Variants in CPNE4 observed in about 807,000 individuals in gnomAD.
CPNE4 encodes copine 4.
CPNE4 carries 25 observed loss-of-function variants against 67.9 expected under a neutral mutation model. That is an observed-to-expected ratio of 0.37 (90% confidence interval 0.27 to 0.51). CPNE4 has a LOEUF of 0.51. CPNE4 is among the 20% of genes least tolerant of loss of function. The probability of loss-of-function intolerance (pLI) is 0.93; values close to 1 mark genes in which losing one functional copy is unlikely to be tolerated. For missense variants in CPNE4, 464 were observed against 690.8 expected (o/e 0.67, Z 3.68); for synonymous variants, 242 against 244.9 (o/e 0.99, Z 0.11).
At chr3:131,958,966 C>CTCTCT in intron 1 of CPNE4, among the ~76,000 whole-genome samples, 1 of 27,538 alleles carries the variant, frequency 3.6e-5, no homozygotes, top group African/African-American at 2.0e-4. Context: ...CCTGATACAC[C>CTCTCT]TTTCTTTTTT....
At chr3:131,917,464 T>C (rs2070592348) in intron 1 of CPNE4, among the ~76,000 whole-genome samples, 2 of 152,158 alleles carry the variant, frequency 1.3e-5, no homozygotes, top group Non-Finnish European at 1.5e-5. Flanking sequence ...ATTTGAGTGA[T>C]GCTTTGGGGA....
At chr3:131,717,439 C>A (rs1247076791) in intron 3 of CPNE4, among the ~76,000 whole-genome samples, 1 of 152,144 alleles carries the variant, frequency 6.6e-6, no homozygotes, top group Non-Finnish European at 1.5e-5. Context: ...GCAGCTATCA[C>A]CTATAGGGAT....
intron 1 of CPNE4, among the ~76,000 whole-genome samples, chr3:131,922,148 C>T (rs1342755590): frequency 6.6e-6 from 1 of 152,130 alleles, no homozygotes; most frequent in East Asian, 1.9e-4. Flanking sequence ...GTTTACCTTC[C>T]ATTTACAAGT....
At chr3:131,754,263 A>C (rs1008362139) in intron 2 of CPNE4, among the ~76,000 whole-genome samples, 1 of 152,166 alleles carries the variant, frequency 6.6e-6, no homozygotes, top group Non-Finnish European at 1.5e-5. Flanking sequence ...ATAAGATTAC[A>C]TGGGCAAAGA....
intron 1 of CPNE4, among the ~76,000 whole-genome samples, chr3:131,975,762 C>A (rs962335900): frequency 3.3e-5 from 5 of 152,008 alleles, no homozygotes; most frequent in African/African-American, 1.2e-4. Context: ...TTTGTGTATT[C>A]GAATCATAAA....
At chr3:131,564,567 A>G (rs1332008542) in intron 10 of CPNE4, among the ~76,000 whole-genome samples, 1 of 151,758 alleles carries the variant, frequency 6.6e-6, no homozygotes, top group Admixed American at 6.6e-5. Context: ...CCACCAGTGC[A>G]CTCTCTTCTC....
chr3:131,812,410 G>A (rs144358944), intron 2 of CPNE4, among the ~76,000 whole-genome samples: 2 of 152,226 alleles, frequency 1.3e-5, no homozygotes, highest in East Asian at 3.9e-4. Flanking sequence ...GCCAAGAAAG[G>A]TGAATATCCA....
chr3:131,985,010 C>G (rs2073007159), intron 1 of CPNE4, among the ~76,000 whole-genome samples: 1 of 152,160 alleles, frequency 6.6e-6, no homozygotes, highest in Non-Finnish European at 1.5e-5. Flanking sequence ...CCATAGACTG[C>G]ATGACTTATA....
chr3:131,743,981 A>AAAAAAAAAAAAC (rs1560222926), intron 2 of CPNE4, among the ~76,000 whole-genome samples: 1 of 148,962 alleles, frequency 6.7e-6, no homozygotes, highest in Admixed American at 6.7e-5. Flanking sequence ...AAAAAAAAAA[A>AAAAAAAAAAAAC]AAACAATAAA....
At chr3:131,631,353 T>G (rs567354289) in intron 7 of CPNE4, among the ~76,000 whole-genome samples, 64 of 152,314 alleles carry the variant, frequency 4.2e-4, no homozygotes, top group African/African-American at 1.4e-3. Context: ...TTGGTTTTGA[T>G]TGAAAGTTTT....
At chr3:131,968,426 A>G (rs1467129242) in intron 1 of CPNE4, among the ~76,000 whole-genome samples, 1 of 152,232 alleles carries the variant, frequency 6.6e-6, no homozygotes, top group African/African-American at 2.4e-5. Flanking sequence ...CATGCAACCT[A>G]CAGAATGGGA....
At chr3:131,845,209 ACCAC>A (rs1465064723) in intron 2 of CPNE4, among the ~76,000 whole-genome samples, 1 of 152,214 alleles carries the variant, frequency 6.6e-6, no homozygotes, top group Non-Finnish European at 1.5e-5. Flanking sequence ...CATCATCATA[ACCAC>A]CCACCATCAT....
intron 2 of CPNE4, among the ~76,000 whole-genome samples, chr3:131,839,484 G>C (rs559558392): frequency 3.3e-5 from 5 of 151,180 alleles, no homozygotes; most frequent in Non-Finnish European, 5.9e-5. Context: ...TTAGTTAATA[G>C]TGTTGATAAA....
At chr3:131,805,313 T>G (rs577926126) in intron 2 of CPNE4, among the ~76,000 whole-genome samples, 31 of 152,294 alleles carry the variant, frequency 2.0e-4, no homozygotes, top group African/African-American at 6.7e-4. Flanking sequence ...TTCCCATGTT[T>G]GTGGCAAGAT....
chr3:131,801,281 T>G (rs2084090124), intron 2 of CPNE4, among the ~76,000 whole-genome samples: 1 of 149,212 alleles, frequency 6.7e-6, no homozygotes, highest in East Asian at 2.0e-4. Context: ...TCCGCTTTGT[T>G]TTTGCACTTT....
intron 3 of CPNE4, among the ~76,000 whole-genome samples, chr3:131,704,093 A>C (rs1356752793): frequency 6.6e-6 from 1 of 152,134 alleles, no homozygotes; most frequent in African/African-American, 2.4e-5. Context: ...GAGTCTCTCT[A>C]GTGTTTTGCA....
chr3:131,555,206 TCAA>T (rs935660523), intron 12 of CPNE4, among the ~76,000 whole-genome samples: 1 of 151,988 alleles, frequency 6.6e-6, no homozygotes, highest in Non-Finnish European at 1.5e-5. Flanking sequence ...CCCCTGGAGA[TCAA>T]CTTCTTGAGT....
At chr3:131,682,630 C>T (rs565675766) in intron 6 of CPNE4, among the ~76,000 whole-genome samples, 4 of 152,112 alleles carry the variant, frequency 2.6e-5, no homozygotes, top group Admixed American at 2.0e-4. Context: ...CTAGGATAAC[C>T]GTGCTTGGCT....
intron 1 of CPNE4, among the ~76,000 whole-genome samples, chr3:132,031,064 A>C (rs990036440): frequency 7.2e-5 from 11 of 152,118 alleles, no homozygotes; most frequent in Admixed American, 6.5e-4. Flanking sequence ...AGAAAATATT[A>C]TAAGATTTTG....
Sources: gnomAD v4.1 joint callset for allele counts (sites outside exome capture counted in the v4.1 genomes callset) on GRCh38, gnomAD v4.1.1 for gene constraint, MANE v1.5 for transcripts, NCBI Gene and HGNC (gene_info 2026-07-23, HGNC 2026-07-21) for gene names.